Variants in DSCAM observed in about 807,000 individuals in gnomAD.
The protein encoded by DSCAM is cell adhesion molecule DSCAM.
DSCAM carries 47 observed loss-of-function variants against 217.7 expected under a neutral mutation model. The observed-to-expected ratio is 0.22, with a 90% CI of 0.17 to 0.28. The LOEUF (loss-of-function observed/expected upper bound fraction) is 0.28, where lower values mean the gene tolerates loss of function less well. Among genes scored for constraint, DSCAM ranks in the 10% least tolerant of loss-of-function variants. The pLI, the probability that DSCAM is intolerant of heterozygous loss-of-function variation, is 1.00. For missense variants in DSCAM, 2,080 were observed against 2,618.3 expected (o/e 0.79, Z 4.49); for synonymous variants, 1,056 against 1,015.3 (o/e 1.04, Z -0.76).
chr21:40,387,842 A>C (rs1297787159), intron 3 of DSCAM, among the ~76,000 whole-genome samples: 3 of 152,242 alleles, frequency 2.0e-5, no homozygotes, highest in Non-Finnish European at 4.4e-5. Flanking sequence ...ATATTAGATA[A>C]ACAATAAAAT....
intron 9 of DSCAM, among the ~76,000 whole-genome samples, chr21:40,300,660 TCTCTGC>T (rs1796417767): frequency 6.6e-6 from 1 of 152,168 alleles, no homozygotes. Context: ...GGGTATAAAT[TCTCTGC>T]CTCTGCCTCA....
chr21:40,536,456 C>T (rs6517597), intron 3 of DSCAM, among the ~76,000 whole-genome samples: 147,631 of 149,516 alleles, frequency 0.99, 72,887 homozygotes, highest in Middle Eastern at 1. Context: ...GGCTGGAGTG[C>T]AGTGGCGCCA....
chr21:40,612,478 T>C (rs956126343), intron 3 of DSCAM, among the ~76,000 whole-genome samples: 1 of 152,126 alleles, frequency 6.6e-6, no homozygotes, highest in African/African-American at 2.4e-5. Flanking sequence ...TGAATGACAA[T>C]GACCTCTACA....
rs867326321 is a variant in DSCAM, at chr21:40,078,732, A to T, written c.4666T>A (p.Cys1556Ser). The T allele has an allele frequency of 6.2e-7, 1 of 1,614,232 alleles. No individual in the cohort carries two copies. Among genetic ancestry groups the T allele is most frequent in the Non-Finnish European group, 8.5e-7 (1 of 1,180,036 alleles). The change falls in exon 26 of 33, where the codon TGC becomes AGC. Residue 1556 changes from cysteine (C) to serine (S), a missense_variant. Physicochemically the swap from Cys to Ser is moderately radical, Grantham distance 112. Transcript: ENST00000400454. ...GCGAAGTTGGCCTGCTTCTCCGCGC[A>T]GCCCGCACTGTTGCACACCCGCATC... ...LQMRVCNSAG[C>S]AEKQANFATL... is the part of the protein sequence containing the mutation.
In DSCAM at chr21:40,030,372, G is replaced by A. The variant is rs536126908; in HGVS notation, c.5686+11999C>T. On this transcript the variant is annotated intron_variant, in intron 32 of 32. Transcript: ENST00000400454. ...TTCCCGACTGTGGTGAGTGCTGGGT[G>A]GAGAAGCAAATCCAGGAAGGGGATA... Among the ~76,000 whole-genome samples the A allele has an allele frequency of 2.0e-5, 3 of 152,250 alleles. No homozygotes were observed. In the South Asian group the frequency reaches 6.2e-4, roughly 32 times the overall value.
intron 3 of DSCAM, among the ~76,000 whole-genome samples, chr21:40,676,825 GAATAACTTTTTTAAAGAAC>G (rs1213072109): frequency 6.6e-6 from 1 of 152,042 alleles, no homozygotes; most frequent in African/African-American, 2.4e-5. Context: ...TTGAATCCTA[GAATAACTTTTTTAAAGAAC>G]AAATTACTTC....
intron 3 of DSCAM, among the ~76,000 whole-genome samples, chr21:40,503,274 G>C (rs62225534): frequency 0.087 from 13,219 of 152,128 alleles, 673 homozygotes; most frequent in Middle Eastern, 0.16. Flanking sequence ...AGTCTTCTTC[G>C]AGCATTGCCC....
At chr21:40,559,919 A>C in intron 3 of DSCAM, among the ~76,000 whole-genome samples, 1 of 151,390 alleles carries the variant, frequency 6.6e-6, no homozygotes, top group Non-Finnish European at 1.5e-5. Flanking sequence ...CAGCCTCCCG[A>C]GTAGCTGGGG....
intron 3 of DSCAM, among the ~76,000 whole-genome samples, chr21:40,377,760 G>A (rs2074977754): frequency 6.6e-6 from 1 of 152,092 alleles, no homozygotes; most frequent in Admixed American, 6.5e-5. Context: ...AAAGGAGTGA[G>A]AGGAGGCATG....
At chr21:40,412,844 C>A (rs1601622763) in intron 3 of DSCAM, among the ~76,000 whole-genome samples, 1 of 152,226 alleles carries the variant, frequency 6.6e-6, no homozygotes, top group Non-Finnish European at 1.5e-5. Context: ...ACCTCTGTAG[C>A]CCCTCCCATC....
At chr21:40,840,996 G>T (rs753236236) in intron 1 of DSCAM, among the ~76,000 whole-genome samples, 10 of 152,138 alleles carry the variant, frequency 6.6e-5, no homozygotes, top group Non-Finnish European at 1.3e-4. Context: ...CTCAGGCTTC[G>T]CACGCATTTC....
intron 3 of DSCAM, among the ~76,000 whole-genome samples, chr21:40,665,438 G>A (rs1338535050): frequency 2.0e-5 from 3 of 152,132 alleles, no homozygotes; most frequent in Admixed American, 2.0e-4. Context: ...TTCTGTGAGT[G>A]CCCACTGCAC....
At position 40,504,488 on chromosome 21, in the gene DSCAM, G is replaced by A. The variant is rs182714953; in HGVS notation, c.509-135243C>T. 3.3e-5 allele frequency among the ~76,000 whole-genome samples: 5 copies of A among 152,262 alleles called. No individual in the cohort carries two copies. The East Asian group carries it at 5.8e-4, about 18-fold the overall frequency. On this transcript the variant is annotated intron_variant, in intron 3 of 32. Transcript: ENST00000400454. ...CTCGATGTGGAATACTGTGGTTAGC[G>A]GGCATTACATTAAAATATACAGGAT...
At chr21:40,792,687 G>T (rs1460423872) in intron 1 of DSCAM, among the ~76,000 whole-genome samples, 1 of 152,210 alleles carries the variant, frequency 6.6e-6, no homozygotes, top group Non-Finnish European at 1.5e-5. Context: ...GGGATAAAGA[G>T]AATGGGGCAG....
intron 20 of DSCAM, among the ~76,000 whole-genome samples, chr21:40,109,657 C>A (rs1265612964): frequency 6.6e-6 from 1 of 152,232 alleles, no homozygotes; most frequent in African/African-American, 2.4e-5. Context: ...TCAGGGGATT[C>A]CCTTTCCTAG....
chr21:40,602,103 T>C (rs1402384594), intron 3 of DSCAM, among the ~76,000 whole-genome samples: 3 of 148,230 alleles, frequency 2.0e-5, no homozygotes, highest in Admixed American at 1.3e-4. Flanking sequence ...CTCTGTCACT[T>C]AGTCTGGAGT....
At chr21:40,602,217 T>C (rs2077067617) in intron 3 of DSCAM, among the ~76,000 whole-genome samples, 1 of 151,986 alleles carries the variant, frequency 6.6e-6, no homozygotes, top group African/African-American at 2.4e-5. Context: ...TGTGCCTCCA[T>C]GCTCAGATAA....
chr21:40,177,633 C>T (rs769758046), intron 15 of DSCAM, among the ~76,000 whole-genome samples: 10 of 152,094 alleles, frequency 6.6e-5, no homozygotes, highest in Non-Finnish European at 1.2e-4. Context: ...TTGGAGATAG[C>T]AAAAGACATA....
At chr21:40,481,427 T>G (rs1447191969) in intron 3 of DSCAM, among the ~76,000 whole-genome samples, 2 of 150,180 alleles carry the variant, frequency 1.3e-5, no homozygotes, top group African/African-American at 4.9e-5. Context: ...GAGGCAAAGC[T>G]TGCAGAGAAT....
Sources: allele counts gnomAD v4.1 joint callset (sites outside exome capture counted in the v4.1 genomes callset), GRCh38; gene constraint gnomAD v4.1.1; transcripts MANE v1.5; gene names NCBI Gene and HGNC (gene_info 2026-07-23, HGNC 2026-07-21).